The following ITM2C variants were observed in gnomAD, a reference collection of about 807,000 sequenced individuals.
The protein encoded by ITM2C is BRICHOS domain containing 2C.
In ITM2C, 20 loss-of-function variants were observed where a neutral mutation model predicts 30.0. The observed-to-expected ratio is 0.67, with a 90% CI of 0.47 to 0.97. The LOEUF (loss-of-function observed/expected upper bound fraction) is 0.97. ITM2C is among the 50% of genes least tolerant of loss of function. The pLI is 0.00. For missense variants in ITM2C, 366 were observed against 371.9 expected, an observed-to-expected ratio of 0.98 and a Z score of 0.13; for synonymous variants, 167 against 156.4, an observed-to-expected ratio of 1.07 and a Z score of -0.51.
chr2:230,872,697 C>T (rs865860365), intron 1 of ITM2C, among the ~76,000 whole-genome samples: 8 of 152,264 alleles, frequency 5.3e-5, no homozygotes, highest in South Asian at 2.1e-4. Flanking sequence ...TGCTTGACTG[C>T]CGGTCGGTGC....
At chr2:230,866,098 C>G (rs1301862535) in intron 1 of ITM2C, among the ~76,000 whole-genome samples, 1 of 152,174 alleles carries the variant, frequency 6.6e-6, no homozygotes, top group Non-Finnish European at 1.5e-5. Flanking sequence ...GGGGGCAGAA[C>G]GCGTGGCGGG....
intron 1 of ITM2C, among the ~76,000 whole-genome samples, chr2:230,870,215 T>TTTGGTGTTTGAGCC (rs1434563053): frequency 6.6e-6 from 1 of 152,140 alleles, no homozygotes; most frequent in Non-Finnish European, 1.5e-5. Flanking sequence ...GTTCCAGGGC[T>TTTGGTGTTTGAGCC]TTGGTGTTTG....
At chr2:230,874,222 T>C (rs1025536714) in intron 2 of ITM2C, among the ~76,000 whole-genome samples, 1 of 152,214 alleles carries the variant, frequency 6.6e-6, no homozygotes, top group African/African-American at 2.4e-5. Flanking sequence ...ATGACCCAAG[T>C]GACCTCCCAC....
At position 230,865,383 on chromosome 2, in the gene ITM2C, T is replaced by A. The variant is rs958042256; in HGVS notation, c.120+238T>A. On this transcript the variant is annotated intron_variant, in intron 1 of 5. Transcript: ENST00000326427. The surrounding 1 kb of genome is among the most constrained non-coding windows in gnomAD (Gnocchi z 6.8). ...AGTGGGAGGCGTCTGGTTCTGGTCT[T>A]CAGGTGGAGAAGTGCTCGAGGTCTC... is the stretch of plus-strand genomic sequence containing the variant. 4.9e-6 allele frequency: 2 copies of A among 406,266 alleles called. No individual in the cohort carries two copies. The highest frequency in any genetic ancestry group is 8.4e-6 in the Non-Finnish European group (2 of 238,794). 25.2% of individuals were successfully genotyped at this position (406,266 alleles called of 1,614,324 possible). A position where few individuals can be genotyped will look rare whatever the true frequency, so the allele number is the denominator to read the frequency against.
In ITM2C at chr2:230,864,953, T is replaced by C; in HGVS notation, c.-73T>C. 1 of 1,335,516 alleles carries C rather than the reference T, an allele frequency of 7.5e-7. No individual in the cohort carries two copies. Among genetic ancestry groups the C allele is most frequent in the Non-Finnish European group, 9.7e-7 (1 of 1,033,162 alleles). The allele number at this position is 1,335,516 out of a possible 1,614,324, so 82.7% of individuals were successfully genotyped here. A position where few individuals can be genotyped will look rare whatever the true frequency, so the allele number is the denominator to read the frequency against. Reference sequence around the variant, plus strand: ...TCCAAACTTCCGGTGCCTGCAGAGCTCGGAGCGGCGGAGGCAGAGACCGAG... The same window carrying C: ...TCCAAACTTCCGGTGCCTGCAGAGCCCGGAGCGGCGGAGGCAGAGACCGAG... On this transcript the variant is annotated 5_prime_UTR_variant, in exon 1 of 6. Transcript: ENST00000326427. This position sits in a 1 kb window ranked among gnomAD's most constrained non-coding sequence, Gnocchi z 4.3.
intron 2 of ITM2C, 114 bp downstream of exon 2, chr2:230,873,671 G>A: frequency 4.7e-6 from 5 of 1,067,104 alleles, no homozygotes; most frequent in Non-Finnish European, 6.5e-6. Flanking sequence ...GCCCTCAGGT[G>A]GGAGCGAGTG....
chr2:230,869,799 C>T (rs1697120159), intron 1 of ITM2C, among the ~76,000 whole-genome samples: 1 of 152,180 alleles, frequency 6.6e-6, no homozygotes, highest in African/African-American at 2.4e-5. Flanking sequence ...TTAATGAGTG[C>T]CCCTGTGGGT....
At position 230,865,208 on chromosome 2, in the gene ITM2C, C is replaced by G; in HGVS notation, c.120+63C>G. The G allele has an allele frequency of 7.5e-7, 1 of 1,327,572 alleles. No individual in the cohort carries two copies. Among genetic ancestry groups the G allele is most frequent in the Non-Finnish European group, 9.7e-7 (1 of 1,032,110 alleles). The allele number at this position is 1,327,572 out of a possible 1,614,324, so 82.2% of individuals were successfully genotyped here. ...CCCAGGCTCACGACCCAGGCGCGCCCCGTCGGCCCTGGGGACTGCCCGAGG... is the reference window on the plus strand; with the variant it reads ...CCCAGGCTCACGACCCAGGCGCGCCGCGTCGGCCCTGGGGACTGCCCGAGG... On this transcript the variant is annotated intron_variant, in intron 1 of 5. Transcript: ENST00000326427. This position sits in a 1 kb window ranked among gnomAD's most constrained non-coding sequence, Gnocchi z 6.8.
chr2:230,877,677 C>T lies in ITM2C; in HGVS notation c.712+127C>T. On this transcript the variant is annotated intron_variant, in intron 5 of 5. Transcript: ENST00000326427. The surrounding 1 kb of genome is among the most constrained non-coding windows in gnomAD (Gnocchi z 4.8). ...AATAACAGCTAGCATTAGCAGAGCA[C>T]TTCCGTGTGCCGGGCAATGCTGTGT... is the stretch of plus-strand genomic sequence containing the variant. The T allele has an allele frequency of 2.0e-6, 2 of 981,416 alleles. No homozygotes were observed. The highest frequency in any genetic ancestry group is 1.6e-5 in the African/African-American group (1 of 62,252). 60.8% of individuals were successfully genotyped at this position (981,416 alleles called of 1,614,324 possible).
intron 2 of ITM2C, 129 bp from the exon 3 acceptor site, chr2:230,875,491 C>T: frequency 1.3e-6 from 1 of 759,080 alleles, no homozygotes. Context: ...ATGGGTCTCA[C>T]AGTCCCTGCT....
At chr2:230,866,669 A>T (rs1306793614) in intron 1 of ITM2C, among the ~76,000 whole-genome samples, 2 of 152,152 alleles carry the variant, frequency 1.3e-5, no homozygotes, top group Admixed American at 1.3e-4. Context: ...TGCAGCTTTA[A>T]AAGTTTGCAA....
intron 1 of ITM2C, among the ~76,000 whole-genome samples, chr2:230,867,480 A>G (rs1697056135): frequency 6.6e-6 from 1 of 152,056 alleles, no homozygotes; most frequent in African/African-American, 2.4e-5. Flanking sequence ...CTGTGAGCCG[A>G]GGGATGGCAG....
chr2:230,877,789 A>G lies in ITM2C; in HGVS notation c.713-219A>G, dbSNP rs1368484977. 6.6e-6 allele frequency among the ~76,000 whole-genome samples: 1 copy of G among 152,218 alleles called. No homozygotes were observed. Among genetic ancestry groups the G allele is most frequent in the Non-Finnish European group, 1.5e-5 (1 of 68,032 alleles). On this transcript the variant is annotated intron_variant, in intron 5 of 5. Transcript: ENST00000326427. This position sits in a 1 kb window ranked among gnomAD's most constrained non-coding sequence, Gnocchi z 4.8. ...ATTTTAAAGATGAGGAAACAGGTGC[A>G]GAGAGGTTAACACCCTGGAGGTCAC...
At chr2:230,864,483 G>C (rs1189601168), upstream of ITM2C, among the ~76,000 whole-genome samples, 4 of 152,192 alleles carry the variant, frequency 2.6e-5, no homozygotes, top group South Asian at 4.1e-4. This position sits in a 1 kb window ranked among gnomAD's most constrained non-coding sequence, Gnocchi z 4.3. Flanking sequence ...GTCGGAGGAG[G>C]GGGGCGTGGG....
chr2:230,866,725 A>C (rs973399004), intron 1 of ITM2C, among the ~76,000 whole-genome samples: 2 of 151,962 alleles, frequency 1.3e-5, no homozygotes, highest in African/African-American at 4.8e-5. Flanking sequence ...GCTGCCCTCC[A>C]CTCAGCCTGG....
At chr2:230,876,551 G>A (rs144778933) in intron 3 of ITM2C, among the ~76,000 whole-genome samples, 153 of 152,034 alleles carry the variant, frequency 1.0e-3, no homozygotes, top group African/African-American at 3.0e-3. Flanking sequence ...GCACGATCTC[G>A]GCTCACTGCA....
intron 1 of ITM2C, among the ~76,000 whole-genome samples, chr2:230,867,658 A>ATTGTAT (rs1559154517): frequency 1.2e-5 from 1 of 80,138 alleles, no homozygotes; most frequent in African/African-American, 5.9e-5. Flanking sequence ...TATCTATTTT[A>ATTGTAT]TTTTATTTTA....
At position 230,873,479 on chromosome 2, in the gene ITM2C, G is replaced by C. The variant is rs767061760; in HGVS notation, c.183G>C (p.Leu61=). The C allele has an allele frequency of 6.2e-7, 1 of 1,610,892 alleles. No individual in the cohort carries two copies. The highest frequency in any genetic ancestry group is 8.5e-7 in the Non-Finnish European group (1 of 1,178,564). ...GCTCAGTGGGCGGCGTGTGCTACCT[G>C]TCGATGGGCATGGTCGTGCTGCTCA... ...RGGSVGGVCY[L]SMGMVVLLMG... Residue 61 remains leucine, a synonymous_variant, in exon 2 of 6, where the codon CTG becomes CTC. Coordinates refer to ENST00000326427, the MANE Select transcript of ITM2C (RefSeq NM_030926.6).
At chr2:230,869,269 G>A (rs1697106006) in intron 1 of ITM2C, among the ~76,000 whole-genome samples, 1 of 152,248 alleles carries the variant, frequency 6.6e-6, no homozygotes, top group African/African-American at 2.4e-5. Flanking sequence ...CATCTGCACA[G>A]ATGCTGCCCG....
Sources: gnomAD v4.1 joint callset for allele counts (sites outside exome capture counted in the v4.1 genomes callset) on GRCh38, gnomAD v4.1.1 for gene constraint, Gnocchi (gnomAD v3.1) non-coding constraint, MANE v1.5 for transcripts, NCBI Gene and HGNC (gene_info 2026-07-23, HGNC 2026-07-21) for gene names.